Variants in FAM107B observed in about 807,000 individuals in gnomAD.
FAM107B encodes the protein family with sequence similarity 107 member B, also known as protein FAM107B.
A neutral mutation model predicts 31.5 loss-of-function variants in FAM107B; 21 were observed. That is an observed-to-expected ratio of 0.67 (90% CI 0.47 to 0.96). The LOEUF is 0.96. Ranked by LOEUF, FAM107B falls within the 40% of genes least tolerant of loss-of-function variation. FAM107B has a pLI of 0.00. For missense variants in FAM107B, 452 were observed against 377.1 expected (o/e 1.20, Z -1.64); for synonymous variants, 157 against 141.5 (o/e 1.11, Z -0.78).
chr10:14,762,591 C>G (rs1833072502), intron 1 of FAM107B, among the ~76,000 whole-genome samples: 1 of 151,472 alleles, frequency 6.6e-6, no homozygotes, highest in Non-Finnish European at 1.5e-5. Context: ...CCTGTCTCTA[C>G]TAAAAAGTAC....
chr10:14,716,269 A>G (rs887926928), intron 1 of FAM107B, among the ~76,000 whole-genome samples: 1 of 152,184 alleles, frequency 6.6e-6, no homozygotes, highest in Non-Finnish European at 1.5e-5. Context: ...GCCTATCCTG[A>G]GGTTGTGGCC....
At chr10:14,578,556 TC>T (rs1373435267) in intron 2 of FAM107B, among the ~76,000 whole-genome samples, 1 of 152,162 alleles carries the variant, frequency 6.6e-6, no homozygotes, top group Non-Finnish European at 1.5e-5. Context: ...GCCAAATTGC[TC>T]ACTTTCTGGT....
chr10:14,612,532 A>C (rs1335597207), intron 2 of FAM107B: 1 of 152,230 alleles, frequency 6.6e-6, no homozygotes, highest in Non-Finnish European at 1.5e-5. Context: ...CCTTTTTCTA[A>C]GTCCACAGCT....
At chr10:14,567,770 C>A (rs1008961287) in intron 2 of FAM107B, among the ~76,000 whole-genome samples, 2 of 152,322 alleles carry the variant, frequency 1.3e-5, no homozygotes, top group Admixed American at 1.3e-4. Flanking sequence ...GTCAGCTGAG[C>A]TGAAGGACAG....
At chr10:14,661,796 C>G (rs1021486412) in intron 2 of FAM107B, 1 of 152,212 alleles carries the variant, frequency 6.6e-6, no homozygotes, top group Admixed American at 6.5e-5. Context: ...CAGGTGAGAA[C>G]AGGTAAACCA....
chr10:14,589,793 G>A (rs1036135800), intron 2 of FAM107B, among the ~76,000 whole-genome samples: 2 of 152,054 alleles, frequency 1.3e-5, no homozygotes, highest in African/African-American at 4.8e-5. Flanking sequence ...TACTGCACAT[G>A]TAGCCCAGAA....
intron 1 of FAM107B, among the ~76,000 whole-genome samples, chr10:14,686,218 G>A (rs565347173): frequency 7.9e-5 from 12 of 152,122 alleles, no homozygotes; most frequent in African/African-American, 2.4e-4. Flanking sequence ...GTGAAACCCC[G>A]TCTCTACTAC....
intron 2 of FAM107B, among the ~76,000 whole-genome samples, chr10:14,614,828 C>G (rs2131395070): frequency 6.6e-6 from 1 of 152,070 alleles, no homozygotes; most frequent in East Asian, 1.9e-4. Context: ...AACGCTGCTA[C>G]CAGGTTACAC....
intron 1 of FAM107B, among the ~76,000 whole-genome samples, chr10:14,701,241 T>A (rs966095304): frequency 1.3e-5 from 2 of 152,056 alleles, no homozygotes; most frequent in African/African-American, 4.8e-5. Context: ...TTCTTATTTT[T>A]AATTTTATTT....
chr10:14,766,417 G>A (rs1163002698), intron 1 of FAM107B, among the ~76,000 whole-genome samples: 1 of 152,132 alleles, frequency 6.6e-6, no homozygotes, highest in East Asian at 1.9e-4. Context: ...CTGCTTGGAG[G>A]GTTATCATTA....
At position 14,774,621 on chromosome 10, in the gene FAM107B, G is replaced by A; in HGVS notation, c.43C>T (p.Pro15Ser). The A allele has an allele frequency of 6.2e-7, 1 of 1,614,142 alleles. No individual in the cohort carries two copies. Among genetic ancestry groups the A allele is most frequent in the Non-Finnish European group, 8.5e-7 (1 of 1,180,022 alleles). ...GGAAATGGATGCATGCTTCTAGAGG[G>A]AGACTTCAGTCTTTTGGTGAGTCTT... ...KARLTKRLKS[P>S]SRSMHPFPCS... The change falls in exon 1 of 5, where the codon CCC becomes TCC. Residue 15 changes from proline (P) to serine (S), a missense_variant. Transcript: ENST00000181796.
At chr10:14,626,876 C>T (rs1489935938) in intron 2 of FAM107B, among the ~76,000 whole-genome samples, 1 of 152,044 alleles carries the variant, frequency 6.6e-6, no homozygotes, top group African/African-American at 2.4e-5. Flanking sequence ...TTGTCGATGG[C>T]CTCTGATTTA....
At chr10:14,691,558 C>T (rs1223684664) in intron 1 of FAM107B, among the ~76,000 whole-genome samples, 1 of 152,096 alleles carries the variant, frequency 6.6e-6, no homozygotes, top group Non-Finnish European at 1.5e-5. Context: ...ATAAAACAGG[C>T]CTTATCTTCC....
intron 1 of FAM107B, among the ~76,000 whole-genome samples, chr10:14,730,712 C>T (rs1191034916): frequency 6.6e-6 from 1 of 152,214 alleles, no homozygotes; most frequent in Non-Finnish European, 1.5e-5. Context: ...GAGGCTACTG[C>T]AGTAGACCAG....
At chr10:14,573,698 A>T (rs2131280505) in intron 2 of FAM107B, among the ~76,000 whole-genome samples, 1 of 152,180 alleles carries the variant, frequency 6.6e-6, no homozygotes, top group East Asian at 1.9e-4. Context: ...AAGCTGCATC[A>T]CCCCACTGCA....
chr10:14,557,284 TG>T (rs1164550195), intron 2 of FAM107B, among the ~76,000 whole-genome samples: 20 of 152,376 alleles, frequency 1.3e-4, no homozygotes, highest in Middle Eastern at 3.4e-3. Context: ...ATTTCTGGTT[TG>T]TACCTCGCTG....
chr10:14,524,626 G>A (rs1311179462), intron 3 of FAM107B, among the ~76,000 whole-genome samples: 1 of 152,152 alleles, frequency 6.6e-6, no homozygotes, highest in Non-Finnish European at 1.5e-5. Context: ...TTAACCACAG[G>A]AAAAGCTGTT....
chr10:14,581,437 C>G (rs1237102205), intron 2 of FAM107B, among the ~76,000 whole-genome samples: 1 of 152,192 alleles, frequency 6.6e-6, no homozygotes, highest in Non-Finnish European at 1.5e-5. Flanking sequence ...GCAGTTGATT[C>G]AAGTGTCAGA....
chr10:14,712,626 A>AAAAAAAAAAAAAAAAAG (rs1554851690), intron 1 of FAM107B, among the ~76,000 whole-genome samples: 6 of 146,850 alleles, frequency 4.1e-5, no homozygotes, highest in South Asian at 2.1e-4. Flanking sequence ...AACAAAAAAA[A>AAAAAAAAAAAAAAAAAG]AAGAAGAAGA....
Sources: allele counts gnomAD v4.1 joint callset (sites outside exome capture counted in the v4.1 genomes callset), GRCh38; gene constraint gnomAD v4.1.1; transcripts MANE v1.5; gene names NCBI Gene and HGNC (gene_info 2026-07-23, HGNC 2026-07-21).